Variants in PIP5K1B observed in about 807,000 individuals in gnomAD.
PIP5K1B encodes the protein phosphatidylinositol 4-phosphate 5-kinase type-1 beta.
In PIP5K1B, 42 loss-of-function variants were observed where a neutral mutation model predicts 67.0. The observed-to-expected ratio is 0.63, with a 90% CI of 0.49 to 0.81. The LOEUF (loss-of-function observed/expected upper bound fraction) is 0.81, where lower values mean the gene tolerates loss of function less well. Ranked by LOEUF, PIP5K1B falls within the 30% of genes least tolerant of loss-of-function variation. PIP5K1B has a pLI of 0.00. For synonymous variants in PIP5K1B, 214 were observed against 231.4 expected, an observed-to-expected ratio of 0.92 and a Z score of 0.68; for missense variants, 459 against 646.3, an observed-to-expected ratio of 0.71 and a Z score of 3.14.
chr9:68,780,505 G>A lies in PIP5K1B; in HGVS notation c.-86+37848G>A, dbSNP rs1005605109. The A allele has an allele frequency of 1.9e-6, 3 of 1,614,094 alleles. No homozygotes were observed. In the African/African-American group the frequency reaches 4.0e-5, roughly 22 times the overall value. On this transcript the variant is annotated intron_variant, in intron 2 of 15. Transcript: ENST00000265382. ...GAGGTGCAGACCGCAATGCAGATAA[G>A]CCACTCCTGGGAGGAAAGTTTCAGC...
intron 5 of PIP5K1B, among the ~76,000 whole-genome samples, chr9:68,866,204 G>A (rs1564193317): frequency 6.6e-6 from 1 of 151,836 alleles, no homozygotes; most frequent in Non-Finnish European, 1.5e-5. Context: ...GCTGAGGCAG[G>A]AGAATCTCTG....
chr9:68,908,455 G>GTACA (rs1390380654), intron 8 of PIP5K1B, among the ~76,000 whole-genome samples: 1 of 150,792 alleles, frequency 6.6e-6, no homozygotes, highest in Non-Finnish European at 1.5e-5. Flanking sequence ...AAAAGCCTTG[G>GTACA]TACAGGTTAA....
At chr9:68,832,097 A>G (rs1834357194) in intron 4 of PIP5K1B, among the ~76,000 whole-genome samples, 1 of 152,248 alleles carries the variant, frequency 6.6e-6, no homozygotes, top group Non-Finnish European at 1.5e-5. Context: ...AACTTTTTCT[A>G]GAAAGTATGT....
intron 8 of PIP5K1B, among the ~76,000 whole-genome samples, chr9:68,913,817 T>C (rs189346918): frequency 5.1e-4 from 77 of 152,248 alleles, no homozygotes; most frequent in African/African-American, 1.8e-3. Context: ...GAAGCTCTTT[T>C]TAATATTTTT....
At chr9:68,805,983 A>G (rs1305786372) in intron 2 of PIP5K1B, among the ~76,000 whole-genome samples, 3 of 152,166 alleles carry the variant, frequency 2.0e-5, no homozygotes, top group Non-Finnish European at 2.9e-5. Flanking sequence ...TTCTCTGTGC[A>G]TCTTTCCACA....
chr9:68,765,227 A>T (rs999224421), intron 2 of PIP5K1B, among the ~76,000 whole-genome samples: 3 of 152,130 alleles, frequency 2.0e-5, no homozygotes, highest in Non-Finnish European at 4.4e-5. Flanking sequence ...AATATTTCAA[A>T]CATTATAGAT....
At chr9:68,824,148 T>A (rs1281258557) in intron 4 of PIP5K1B, 2 of 518,992 alleles carry the variant, frequency 3.9e-6, no homozygotes, top group Non-Finnish European at 7.7e-6. Context: ...CCGTGTACAT[T>A]CATTCAAGCA....
chr9:68,877,637 A>T (rs1471435693), intron 6 of PIP5K1B, among the ~76,000 whole-genome samples: 1 of 152,238 alleles, frequency 6.6e-6, no homozygotes, highest in Non-Finnish European at 1.5e-5. Context: ...ACGTGTAACA[A>T]AGAGTGCTTA....
intron 5 of PIP5K1B, among the ~76,000 whole-genome samples, chr9:68,873,646 C>T (rs1218951406): frequency 2.0e-5 from 3 of 151,570 alleles, no homozygotes; most frequent in African/African-American, 7.3e-5. Context: ...ATACATTCCT[C>T]ATGTGAAGTG....
intron 14 of PIP5K1B, among the ~76,000 whole-genome samples, chr9:68,969,323 A>G (rs771412279): frequency 6.9e-5 from 10 of 144,320 alleles, no homozygotes; most frequent in Non-Finnish European, 1.3e-4. Context: ...AGCCGAGATC[A>G]CGCCACTGCA....
intron 4 of PIP5K1B, among the ~76,000 whole-genome samples, chr9:68,825,202 T>C (rs2132082316): frequency 6.6e-6 from 1 of 152,158 alleles, no homozygotes; most frequent in South Asian, 2.1e-4. Flanking sequence ...TCATAAAGAG[T>C]ATGTTCAAAT....
chr9:68,833,897 G>A (rs1345760712), intron 4 of PIP5K1B, among the ~76,000 whole-genome samples: 3 of 152,170 alleles, frequency 2.0e-5, no homozygotes. Context: ...ATGTCAGAGA[G>A]GCAAGTGGGT....
At chr9:68,762,595 A>G (rs1048267087) in intron 2 of PIP5K1B, among the ~76,000 whole-genome samples, 1 of 152,138 alleles carries the variant, frequency 6.6e-6, no homozygotes, top group Non-Finnish European at 1.5e-5. Context: ...GATATAGAAG[A>G]GATAAACCAG....
intron 5 of PIP5K1B, among the ~76,000 whole-genome samples, chr9:68,872,099 G>A (rs542730056): frequency 2.6e-5 from 4 of 152,324 alleles, no homozygotes; most frequent in East Asian, 1.9e-4. Flanking sequence ...CGTTGATTGC[G>A]GTCATTGTGT....
At position 68,918,508 on chromosome 9, in the gene PIP5K1B, G is replaced by C. The variant is rs1027359763; in HGVS notation, c.983+749G>C. On this transcript the variant is annotated intron_variant, in intron 9 of 15. Transcript: ENST00000265382. ...TGCACCCTGACAGATGTGGTCTCTC[G>C]TCTCAGCCAGATGTGGTAGTAACTA... Among the ~76,000 whole-genome samples the C allele has an allele frequency of 4.6e-5, 7 of 152,288 alleles. No individual in the cohort carries two copies. In the East Asian group the frequency reaches 1.3e-3, roughly 29 times the overall value.
At chr9:68,965,214 T>C (rs112701950) in intron 14 of PIP5K1B, among the ~76,000 whole-genome samples, 3,303 of 15,548 alleles carry the variant, frequency 0.21, 72 homozygotes, top group East Asian at 0.49. Flanking sequence ...TAAGAAAATA[T>C]ATATGACTAG....
At chr9:68,940,180 A>C (rs1235442565) in intron 13 of PIP5K1B, among the ~76,000 whole-genome samples, 1 of 152,214 alleles carries the variant, frequency 6.6e-6, no homozygotes, top group Non-Finnish European at 1.5e-5. Context: ...AGTCTGTTGA[A>C]GTATTTGTTT....
intron 4 of PIP5K1B, among the ~76,000 whole-genome samples, chr9:68,832,648 T>C (rs963746535): frequency 1.3e-5 from 2 of 152,148 alleles, no homozygotes; most frequent in African/African-American, 4.8e-5. Flanking sequence ...AGATTCTCAG[T>C]CCTCTATCTG....
chr9:68,788,397 C>G (rs1268341276), intron 2 of PIP5K1B: 2 of 751,222 alleles, frequency 2.7e-6, no homozygotes, highest in Non-Finnish European at 4.3e-6. Context: ...CCAGATGACC[C>G]TAAGTCCAGA....
Sources: allele counts gnomAD v4.1 joint callset (sites outside exome capture counted in the v4.1 genomes callset), GRCh38; gene constraint gnomAD v4.1.1; transcripts MANE v1.5; gene names NCBI Gene and HGNC (gene_info 2026-07-23, HGNC 2026-07-21).